MKLN1: variants seen among roughly 807,000 people sequenced by gnomAD.
MKLN1 encodes muskelin.
A neutral mutation model predicts 99.0 loss-of-function variants in MKLN1; 18 were observed. The observed-to-expected ratio is 0.18, with a 90% CI of 0.13 to 0.27. The LOEUF (loss-of-function observed/expected upper bound fraction) is 0.27, where lower values mean the gene tolerates loss of function less well. Among genes scored for constraint, MKLN1 ranks in the 10% least tolerant of loss-of-function variants. MKLN1 has a pLI of 1.00. For missense variants in MKLN1, 621 were observed against 875.9 expected (o/e 0.71, Z 3.67); for synonymous variants, 288 against 293.2 (o/e 0.98, Z 0.18).
chr7:131,170,010 A>G (rs180730885), intron 2 of MKLN1, among the ~76,000 whole-genome samples: 6 of 152,246 alleles, frequency 3.9e-5, no homozygotes, highest in African/African-American at 1.4e-4. Flanking sequence ...GGATCGCTTG[A>G]GCCCAGGAGT....
intron 16 of MKLN1, among the ~76,000 whole-genome samples, chr7:131,477,664 A>G (rs992705718): frequency 2.0e-5 from 3 of 152,214 alleles, no homozygotes; most frequent in Admixed American, 6.5e-5. Flanking sequence ...ATAAATACCT[A>G]TGGAATATTT....
chr7:131,379,170 A>C (rs763495203), intron 2 of MKLN1, among the ~76,000 whole-genome samples: 3 of 152,226 alleles, frequency 2.0e-5, no homozygotes, highest in Non-Finnish European at 2.9e-5. Flanking sequence ...TAAGGTTCTC[A>C]GCAGAAGCAA....
chr7:131,396,690 C>T (rs181049844), intron 4 of MKLN1, among the ~76,000 whole-genome samples: 22 of 152,068 alleles, frequency 1.4e-4, no homozygotes, highest in Admixed American at 1.3e-3. Context: ...ATTTTGTTAA[C>T]GTGGTAGATT....
chr7:131,157,984 G>A (rs751996210), intron 2 of MKLN1, among the ~76,000 whole-genome samples: 4 of 152,142 alleles, frequency 2.6e-5, no homozygotes, highest in South Asian at 2.1e-4. Context: ...GAGGAATCCC[G>A]TCCACTGTGG....
At chr7:131,112,914 A>T (rs1795220296) in intron 1 of MKLN1, among the ~76,000 whole-genome samples, 1 of 152,236 alleles carries the variant, frequency 6.6e-6, no homozygotes, top group African/African-American at 2.4e-5. Context: ...AGTAGCATGA[A>T]GAAATGTGAG....
chr7:131,359,543 GC>G (rs1473967880), intron 1 of MKLN1, among the ~76,000 whole-genome samples: 2 of 152,066 alleles, frequency 1.3e-5, no homozygotes, highest in African/African-American at 4.8e-5. Context: ...GGTATTCTGA[GC>G]TTCTGCCTGC....
intron 3 of MKLN1, among the ~76,000 whole-genome samples, chr7:131,312,069 CTGGAGTGCAA>C (rs1373623547): frequency 1.3e-5 from 2 of 152,006 alleles, no homozygotes; most frequent in Admixed American, 1.3e-4. Flanking sequence ...GTTACCCAGG[CTGGAGTGCAA>C]TGACCTGATC....
intron 3 of MKLN1, among the ~76,000 whole-genome samples, chr7:131,228,369 C>T (rs1249389541): frequency 1.3e-5 from 2 of 152,166 alleles, no homozygotes; most frequent in Non-Finnish European, 2.9e-5. Flanking sequence ...TTGACCACCT[C>T]GGCCTCCCAA....
At chr7:131,224,465 G>A (rs139356528) in intron 3 of MKLN1, among the ~76,000 whole-genome samples, 154 of 152,244 alleles carry the variant, frequency 1.0e-3, no homozygotes, top group African/African-American at 3.6e-3. Context: ...AGAATCGCTC[G>A]AACCCAGGAG....
chr7:131,247,545 G>A (rs1300442038), intron 3 of MKLN1, among the ~76,000 whole-genome samples: 2 of 152,026 alleles, frequency 1.3e-5, no homozygotes, highest in Non-Finnish European at 2.9e-5. Flanking sequence ...GAAGGTGCTT[G>A]TGATTTCTGT....
At chr7:131,192,277 AAATATAT>A (rs1265588552) in intron 2 of MKLN1, among the ~76,000 whole-genome samples, 5 of 80,492 alleles carry the variant, frequency 6.2e-5, no homozygotes, top group East Asian at 6.1e-4. Flanking sequence ...TAAATATATA[AAATATAT>A]AATATATACA....
At chr7:131,442,741 G>A (rs1446938539) in intron 10 of MKLN1, among the ~76,000 whole-genome samples, 1 of 152,152 alleles carries the variant, frequency 6.6e-6, no homozygotes, top group Non-Finnish European at 1.5e-5. Context: ...TTGGATTTAT[G>A]TGTTATTTGA....
At chr7:131,122,155 C>G (rs1795382125) in intron 1 of MKLN1, among the ~76,000 whole-genome samples, 1 of 152,196 alleles carries the variant, frequency 6.6e-6, no homozygotes, top group Admixed American at 6.5e-5. Context: ...AATAAATGAT[C>G]AGTAAACTTT....
intron 16 of MKLN1, among the ~76,000 whole-genome samples, chr7:131,477,855 A>G (rs1171177979): frequency 6.6e-6 from 1 of 152,202 alleles, no homozygotes; most frequent in African/African-American, 2.4e-5. Context: ...TGTCTGCTCT[A>G]ATTCATTCCT....
At chr7:131,243,819 G>A (rs537653316) in intron 3 of MKLN1, among the ~76,000 whole-genome samples, 1 of 152,120 alleles carries the variant, frequency 6.6e-6, no homozygotes, top group Non-Finnish European at 1.5e-5. Context: ...TTCAAGACCA[G>A]CCTGGCCAAC....
chr7:131,244,917 A>G (rs1279028985), intron 3 of MKLN1, among the ~76,000 whole-genome samples: 1 of 151,940 alleles, frequency 6.6e-6, no homozygotes, highest in African/African-American at 2.4e-5. Context: ...ACACCCCTAC[A>G]CGGCGGCACC....
intron 1 of MKLN1, among the ~76,000 whole-genome samples, chr7:131,337,522 A>AT (rs1584619726): frequency 1.3e-5 from 2 of 151,900 alleles, no homozygotes; most frequent in African/African-American, 2.4e-5. Flanking sequence ...TAGTTATAGT[A>AT]TTTTTTAGTT....
chr7:131,337,457 T>A (rs1350345708), intron 1 of MKLN1, among the ~76,000 whole-genome samples: 2 of 152,148 alleles, frequency 1.3e-5, no homozygotes, highest in African/African-American at 4.8e-5. Context: ...TCAGTTCACT[T>A]ATTCTGAATT....
At chr7:131,301,687 C>G (rs1798379185) in intron 3 of MKLN1, among the ~76,000 whole-genome samples, 1 of 152,148 alleles carries the variant, frequency 6.6e-6, no homozygotes, top group Non-Finnish European at 1.5e-5. Context: ...TTCTTGCCCT[C>G]TGACCTGCTC....
Sources: gnomAD v4.1 joint callset for allele counts (sites outside exome capture counted in the v4.1 genomes callset) on GRCh38, gnomAD v4.1.1 for gene constraint, MANE v1.5 for transcripts, NCBI Gene and HGNC (gene_info 2026-07-23, HGNC 2026-07-21) for gene names.